PCNX1: variants seen among roughly 807,000 people sequenced by gnomAD.
The protein encoded by PCNX1 is pecanex-like protein 1.
A neutral mutation model predicts 242.2 loss-of-function variants in PCNX1; 78 were observed. The observed-to-expected ratio is 0.32, with a 90% CI of 0.27 to 0.39. The LOEUF (loss-of-function observed/expected upper bound fraction) is 0.39. PCNX1 is among the 10% of genes least tolerant of loss of function. The pLI, the probability that PCNX1 is intolerant of heterozygous loss-of-function variation, is 1.00. For synonymous variants in PCNX1, 1,024 were observed against 1,032.9 expected, an observed-to-expected ratio of 0.99 and a Z score of 0.17; for missense variants, 2,581 against 2,856.5, an observed-to-expected ratio of 0.90 and a Z score of 2.20.
intron 31 of PCNX1, 149 bp downstream of exon 31, chr14:71,102,369 C>T (rs1000811204): frequency 1.7e-5 from 10 of 602,044 alleles, no homozygotes; most frequent in Admixed American, 2.8e-5. Flanking sequence ...CTCGACCTCC[C>T]TTTGCTCCAC....
intron 1 of PCNX1, 51 bp downstream of exon 1, chr14:70,908,054 G>T (rs1312927233): frequency 6.6e-7 from 1 of 1,504,208 alleles, no homozygotes. Flanking sequence ...AGCCGGTGGG[G>T]AGATGCTGGG....
intron 30 of PCNX1, among the ~76,000 whole-genome samples, chr14:71,091,300 C>A (rs2062123300): frequency 6.6e-6 from 1 of 152,082 alleles, no homozygotes; most frequent in African/African-American, 2.4e-5. Context: ...TCACCATTGC[C>A]AAAGTTCATG....
chr14:71,089,687 A>G (rs545553685), intron 30 of PCNX1, among the ~76,000 whole-genome samples: 35 of 152,280 alleles, frequency 2.3e-4, no homozygotes, highest in African/African-American at 7.9e-4. Flanking sequence ...TCATGATTCA[A>G]TTACCTCCCA....
At chr14:70,969,608 T>A (rs1457608723) in intron 5 of PCNX1, among the ~76,000 whole-genome samples, 1 of 152,174 alleles carries the variant, frequency 6.6e-6, no homozygotes, top group African/African-American at 2.4e-5. Context: ...TTTTTTGGAA[T>A]TACAGTACCC....
intron 16 of PCNX1, among the ~76,000 whole-genome samples, chr14:71,029,785 T>G (rs1490757111): frequency 6.6e-6 from 1 of 152,042 alleles, no homozygotes; most frequent in Non-Finnish European, 1.5e-5. Context: ...TTTCTGGAGG[T>G]TTGGGTACAT....
At chr14:70,980,051 C>A (rs1444561325) in intron 6 of PCNX1, among the ~76,000 whole-genome samples, 5 of 149,560 alleles carry the variant, frequency 3.3e-5, no homozygotes, top group Non-Finnish European at 5.9e-5. Flanking sequence ...ATGCAAGAAA[C>A]CATTGGATTT....
intron 10 of PCNX1, chr14:71,012,708 C>A: frequency 2.8e-6 from 1 of 356,074 alleles, no homozygotes; most frequent in Non-Finnish European, 5.2e-6. Context: ...TGGCAGGTGC[C>A]TGTAATCCCA....
chr14:70,966,719 T>C (rs1246708816), intron 3 of PCNX1, among the ~76,000 whole-genome samples: 1 of 152,180 alleles, frequency 6.6e-6, no homozygotes, highest in Non-Finnish European at 1.5e-5. Context: ...ACCATATCCG[T>C]GTTTAAAAAT....
chr14:71,061,324 TC>T, intron 26 of PCNX1, among the ~76,000 whole-genome samples: 1 of 152,166 alleles, frequency 6.6e-6, no homozygotes, highest in Non-Finnish European at 1.5e-5. Flanking sequence ...CAGCTTTTCT[TC>T]CCAGATGCCC....
intron 28 of PCNX1, among the ~76,000 whole-genome samples, chr14:71,080,053 G>A (rs892073115): frequency 6.6e-6 from 1 of 152,122 alleles, no homozygotes; most frequent in Non-Finnish European, 1.5e-5. Context: ...TTTGTATAAG[G>A]TGTAAGGAAG....
In PCNX1 at chr14:70,977,071, A is replaced by G. The variant is rs183960912; in HGVS notation, c.734A>G (p.His245Arg). The G allele has an allele frequency of 6.2e-7, 1 of 1,614,216 alleles. No individual in the cohort carries two copies. The highest frequency in any genetic ancestry group is 2.2e-5 in the East Asian group (1 of 44,874). The change falls in exon 6 of 36, where the codon CAT becomes CGT. Residue 245 changes from histidine (H) to arginine (R), a missense_variant. His to Arg is a conservative substitution (Grantham distance 29, BLOSUM62 0). Transcript: ENST00000304743. ...DFSDKVNLPS[H>R]NHHHHVDQSL... ...AGTGACAAAGTGAACCTGCCAAGTCATAACCACCACCACCATGTTGATCAG... is the reference window on the plus strand; with the variant it reads ...AGTGACAAAGTGAACCTGCCAAGTCGTAACCACCACCACCATGTTGATCAG...
chr14:71,039,244 C>CA (rs910978495), intron 19 of PCNX1, among the ~76,000 whole-genome samples: 1 of 151,442 alleles, frequency 6.6e-6, no homozygotes, highest in South Asian at 2.1e-4. Flanking sequence ...ATTAAAAAAA[C>CA]AAAAAAAACC....
intron 14 of PCNX1, 33 bp downstream of exon 14, chr14:71,026,321 A>G (rs371246117): frequency 9.9e-5 from 130 of 1,318,208 alleles, no homozygotes; most frequent in Non-Finnish European, 1.3e-4. Context: ...TAATCTTAAA[A>G]TTAATTTATT....
Position 71,073,814 on chromosome 14 carries a change from T to C in PCNX1, c.5106+16T>C. The C allele has an allele frequency of 1.9e-6, 3 of 1,543,078 alleles. No homozygotes were observed. Among genetic ancestry groups the C allele is most frequent in the East Asian group, 4.6e-5 (2 of 43,904 alleles). ...CTATGTCAAGGTAGGAGTATGTGCC[T>C]ACTTAGATCTTTAGATAATCAGAGT... On this transcript the variant is annotated intron_variant, in intron 27 of 35. Transcript: ENST00000304743.
intron 26 of PCNX1, among the ~76,000 whole-genome samples, chr14:71,061,869 G>A (rs2061333449): frequency 6.6e-6 from 1 of 152,104 alleles, no homozygotes; most frequent in Admixed American, 6.6e-5. Flanking sequence ...GTTGGAACTG[G>A]AACAGGAACA....
At chr14:70,967,365 GT>G (rs2058411598) in intron 3 of PCNX1, among the ~76,000 whole-genome samples, 1 of 152,170 alleles carries the variant, frequency 6.6e-6, no homozygotes, top group African/African-American at 2.4e-5. Context: ...TTGCTTGACT[GT>G]TTTCTTCTTT....
intron 30 of PCNX1, among the ~76,000 whole-genome samples, chr14:71,095,380 AAAAT>A (rs2062247763): frequency 6.6e-6 from 1 of 152,216 alleles, no homozygotes; most frequent in South Asian, 2.1e-4. Flanking sequence ...TTGTTCTAAA[AAAAT>A]AGTGTATCCT....
intron 1 of PCNX1, among the ~76,000 whole-genome samples, chr14:70,922,639 A>G (rs547382889): frequency 3.5e-4 from 54 of 152,152 alleles, no homozygotes; most frequent in African/African-American, 1.3e-3. Flanking sequence ...CAATGGGATT[A>G]TATTTGTGTT....
intron 34 of PCNX1, 90 bp downstream of exon 34, chr14:71,109,136 A>G: frequency 1.9e-6 from 2 of 1,078,178 alleles, no homozygotes; most frequent in Non-Finnish European, 2.6e-6. Flanking sequence ...TTGTGAATAC[A>G]CACCTTATCT....
Sources: gnomAD v4.1 joint callset for allele counts (sites outside exome capture counted in the v4.1 genomes callset) on GRCh38, gnomAD v4.1.1 for gene constraint, MANE v1.5 for transcripts, NCBI Gene and HGNC (gene_info 2026-07-23, HGNC 2026-07-21) for gene names.